The following TBC1D14 variants were observed in gnomAD, a reference collection of about 807,000 sequenced individuals.
TBC1D14 encodes the protein TBC1 domain family, member 14.
A neutral mutation model predicts 79.0 loss-of-function variants in TBC1D14; 26 were observed. That is an observed-to-expected ratio of 0.33 (90% confidence interval 0.24 to 0.46). The LOEUF (loss-of-function observed/expected upper bound fraction) is 0.46. TBC1D14 is among the 20% of genes least tolerant of loss of function. TBC1D14 has a pLI of 1.00. For synonymous variants in TBC1D14, 394 were observed against 349.9 expected (o/e 1.13, Z -1.40); for missense variants, 769 against 887.6 (o/e 0.87, Z 1.70).
intron 3 of TBC1D14, among the ~76,000 whole-genome samples, chr4:6,986,228 A>G (rs1323789029): frequency 1.3e-5 from 2 of 152,122 alleles, no homozygotes; most frequent in East Asian, 3.8e-4. Flanking sequence ...GTTTCTTTTC[A>G]TGGCCATTTC....
rs147501565 is a variant in TBC1D14, at chr4:6,935,914, G to A, written c.722+11803G>A. On this transcript the variant is annotated intron_variant, in intron 2 of 13. Coordinates refer to ENST00000409757, the MANE Select transcript of TBC1D14 (RefSeq NM_020773.3). ...CCACCTCGGCCTCCCAAAGTGCTGG[G>A]ATTACAGGCATGAGCCACCGTGCCC... Among the ~76,000 whole-genome samples, 42 of 152,254 alleles carry A rather than the reference G, an allele frequency of 2.8e-4. 1 individual carries two copies. The highest frequency in any genetic ancestry group is 3.4e-3 in the Middle Eastern group (1 of 294).
chr4:6,991,565 T>G (rs1293060986), intron 3 of TBC1D14, among the ~76,000 whole-genome samples: 1 of 152,098 alleles, frequency 6.6e-6, no homozygotes, highest in East Asian at 1.9e-4. Flanking sequence ...GCATCCCTGC[T>G]TTTTTTTCTT....
intron 3 of TBC1D14, among the ~76,000 whole-genome samples, chr4:6,983,922 G>C (rs1489620746): frequency 1.3e-5 from 2 of 152,222 alleles, no homozygotes; most frequent in Non-Finnish European, 2.9e-5. Context: ...ATAAGTTTCC[G>C]TTAGTTGGAG....
chr4:6,911,807 A>T lies in TBC1D14; in HGVS notation c.-18+1856A>T, dbSNP rs532508530. ...GTCAGAGCTTCTAACCTTGAGTCCC[A>T]GCCTCAGCACAGGGGATGCCTGCCG... On this transcript the variant is annotated intron_variant, in intron 1 of 13. Coordinates refer to ENST00000409757, the MANE Select transcript of TBC1D14 (RefSeq NM_020773.3). Among the ~76,000 whole-genome samples, 151 of 152,324 alleles carry T rather than the reference A, an allele frequency of 9.9e-4. 1 individual carries two copies. Among genetic ancestry groups the T allele is most frequent in the Non-Finnish European group, 1.7e-3 (116 of 68,038 alleles).
At chr4:6,920,375 A>C (rs1235849393) in intron 1 of TBC1D14, among the ~76,000 whole-genome samples, 4 of 151,874 alleles carry the variant, frequency 2.6e-5, no homozygotes, top group African/African-American at 9.7e-5. Flanking sequence ...CCTGGGCTCA[A>C]GTGGTCCTCC....
chr4:6,915,671 G>A (rs1723342762), intron 1 of TBC1D14, among the ~76,000 whole-genome samples: 1 of 152,104 alleles, frequency 6.6e-6, no homozygotes, highest in Non-Finnish European at 1.5e-5. Context: ...ACGGTACCTG[G>A]TACTCATTAA....
At chr4:6,928,978 C>T (rs1724500615) in intron 2 of TBC1D14, among the ~76,000 whole-genome samples, 1 of 152,180 alleles carries the variant, frequency 6.6e-6, no homozygotes, top group South Asian at 2.1e-4. Context: ...GCTCTAGTGA[C>T]CTGAGATGGA....
At position 6,960,041 on chromosome 4, in the gene TBC1D14, A is replaced by C. The variant is rs559953799; in HGVS notation, c.723-7263A>C. Among the ~76,000 whole-genome samples the C allele has an allele frequency of 1.5e-4, 23 of 151,140 alleles. No homozygotes were observed. In the South Asian group the frequency reaches 4.6e-3, roughly 30 times the overall value. ...TGGCTCAGAAATCAAAAATTACAAG[A>C]CAGTATATGGGTGAAAAGTTGGCTT... is the stretch of plus-strand genomic sequence containing the variant. On this transcript the variant is annotated intron_variant, in intron 2 of 13. Transcript: ENST00000409757.
chr4:6,926,673 T>C (rs560477282), intron 2 of TBC1D14, among the ~76,000 whole-genome samples: 4 of 152,326 alleles, frequency 2.6e-5, no homozygotes, highest in Admixed American at 6.5e-5. Context: ...AGAGTTTCCA[T>C]GTAGAGTTCC....
intron 2 of TBC1D14, among the ~76,000 whole-genome samples, chr4:6,946,542 C>G (rs998555284): frequency 6.6e-6 from 1 of 152,096 alleles, no homozygotes; most frequent in Non-Finnish European, 1.5e-5. Context: ...ATGCTGGTCT[C>G]GAACTCCTAA....
chr4:7,015,273 C>A (rs1436367753), intron 12 of TBC1D14, among the ~76,000 whole-genome samples: 2 of 151,842 alleles, frequency 1.3e-5, no homozygotes, highest in Non-Finnish European at 2.9e-5. Flanking sequence ...AACAGAGAGA[C>A]CAATTAAGGG....
At chr4:6,924,945 G>C (rs761231356) in intron 2 of TBC1D14, among the ~76,000 whole-genome samples, 4 of 152,090 alleles carry the variant, frequency 2.6e-5, no homozygotes, top group African/African-American at 9.7e-5. Context: ...GTGAACTCCC[G>C]AACGGTGGCG....
At chr4:6,950,158 G>A (rs758566502) in intron 2 of TBC1D14, among the ~76,000 whole-genome samples, 6 of 152,128 alleles carry the variant, frequency 3.9e-5, no homozygotes, top group Non-Finnish European at 4.4e-5. Flanking sequence ...GAGAACATGC[G>A]GTGTTTGGTT....
At chr4:6,979,802 A>C (rs1167033479) in intron 3 of TBC1D14, among the ~76,000 whole-genome samples, 1 of 152,236 alleles carries the variant, frequency 6.6e-6, no homozygotes, top group Non-Finnish European at 1.5e-5. Context: ...ATATTATAAA[A>C]AGTAGACTTC....
intron 2 of TBC1D14, among the ~76,000 whole-genome samples, chr4:6,943,731 T>C (rs750467904): frequency 3.2e-4 from 49 of 152,194 alleles, no homozygotes; most frequent in Non-Finnish European, 5.4e-4. Flanking sequence ...CGCCCCCTCC[T>C]GGAACCTTGA....
chr4:6,972,223 A>G (rs1167365939), intron 3 of TBC1D14, among the ~76,000 whole-genome samples: 1 of 152,194 alleles, frequency 6.6e-6, no homozygotes, highest in Admixed American at 6.5e-5. Flanking sequence ...CTTCGTTGGA[A>G]TTTACCATGG....
At chr4:6,918,862 C>T (rs994481162) in intron 1 of TBC1D14, among the ~76,000 whole-genome samples, 1 of 152,082 alleles carries the variant, frequency 6.6e-6, no homozygotes, top group Non-Finnish European at 1.5e-5. Flanking sequence ...GTAGAACTTC[C>T]AAATTTGTAT....
chr4:6,959,101 G>T (rs954559987), intron 2 of TBC1D14, among the ~76,000 whole-genome samples: 1 of 151,692 alleles, frequency 6.6e-6, no homozygotes, highest in Non-Finnish European at 1.5e-5. Flanking sequence ...TAGCCGGGAT[G>T]GTCTGCATCT....
intron 2 of TBC1D14, among the ~76,000 whole-genome samples, chr4:6,928,123 A>G (rs1252792120): frequency 1.3e-5 from 2 of 152,208 alleles, no homozygotes; most frequent in Non-Finnish European, 2.9e-5. Context: ...TAGCCCCTTT[A>G]CGGATCTCTC....
Sources: gnomAD v4.1 joint callset for allele counts (sites outside exome capture counted in the v4.1 genomes callset) on GRCh38, gnomAD v4.1.1 for gene constraint, MANE v1.5 for transcripts, NCBI Gene and HGNC (gene_info 2026-07-23, HGNC 2026-07-21) for gene names.